The following TUBGCP4 variants were observed in gnomAD, a reference collection of about 807,000 sequenced individuals.
The protein encoded by TUBGCP4 is gamma-tubulin complex component 4.
Under a neutral mutation model 91.6 loss-of-function variants are expected in TUBGCP4, and 54 were observed. That is an observed-to-expected ratio of 0.59 (90% CI 0.47 to 0.74). The LOEUF is 0.74. Ranked by LOEUF, TUBGCP4 falls within the 30% of genes least tolerant of loss-of-function variation. TUBGCP4 has a pLI of 0.00. For missense variants in TUBGCP4, 593 were observed against 800.9 expected (o/e 0.74, Z 3.13); for synonymous variants, 297 against 302.8 (o/e 0.98, Z 0.20).
chr15:43,385,797 A>C lies in TUBGCP4; in HGVS notation c.730A>C (p.Ile244Leu). ...GTACTCTTTCCTTGACTAGCGCCTG[A>C]TTGAGGAAGAGAACATGCTGGCACC... ...QLRELQDLRLIEEENMLAPSL... is the reference protein window; with the variant it reads ...QLRELQDLRLLEEENMLAPSL... The change falls in exon 8 of 18, where the codon ATT (isoleucine) becomes CTT (leucine). Residue 244 changes from isoleucine (I) to leucine (L), a missense_variant. Physicochemically the swap from Ile to Leu is conservative, Grantham distance 5. Coordinates refer to ENST00000564079, the MANE Select transcript of TUBGCP4 (RefSeq NM_014444.5). 6.2e-7 allele frequency: 1 copy of C among 1,614,050 alleles called. No homozygotes were observed. Among genetic ancestry groups the C allele is most frequent in the Non-Finnish European group, 8.5e-7 (1 of 1,179,972 alleles).
intron 1 of TUBGCP4, among the ~76,000 whole-genome samples, chr15:43,375,506 A>T (rs1427245025): frequency 6.6e-6 from 1 of 152,256 alleles, no homozygotes; most frequent in Admixed American, 6.5e-5. Context: ...CTTTGTATAT[A>T]GCATATTAGG....
rs1723238766 is a variant in TUBGCP4 at position 43,409,177 on chromosome 15, G to A, written c.*3963G>A. On this transcript the variant is annotated 3_prime_UTR_variant, in exon 18 of 18. Transcript: ENST00000564079. ...AGCAGCAGCCATAATGAGCCATGAA[G>A]AGCAGATCTGAAGACTCCCAACTAC... 1 of 1,351,042 alleles carries A rather than the reference G, an allele frequency of 7.4e-7. No homozygotes were observed. The highest frequency in any genetic ancestry group is 1.0e-6 in the Non-Finnish European group (1 of 956,522). The allele number at this position is 1,351,042 out of a possible 1,614,324, so 83.7% of individuals were successfully genotyped here. A position where few individuals can be genotyped will look rare whatever the true frequency, so the allele number is the denominator to read the frequency against.
rs1407722077 is a variant in TUBGCP4, at chr15:43,380,155, A to G, written c.513A>G (p.Ala171=). 2 of 1,613,974 alleles carry G rather than the reference A, an allele frequency of 1.2e-6. No individual in the cohort carries two copies. The highest frequency in any genetic ancestry group is 1.3e-5 in the African/African-American group (1 of 75,058). ...SCGGLPPVRS[A]LEKILAVCHG... ...GGGGGTTGCCTCCTGTTCGAAGTGC[A>G]CTGGAAAAGTAAGTCATGGCTTAAC... Residue 171 remains alanine, a synonymous_variant, in exon 6 of 18, where the codon GCA becomes GCG. Transcript: ENST00000564079.
rs766381387 is a variant in TUBGCP4 at position 43,408,081 on chromosome 15, G to A, written c.*2867G>A. On this transcript the variant is annotated 3_prime_UTR_variant, in exon 18 of 18. Coordinates refer to ENST00000564079, the MANE Select transcript of TUBGCP4 (RefSeq NM_014444.5). ...TTCAGATTCTGGAAAGGATTTTCACGGGGTTGCCTATGAAGGAGACAGGAA... is the reference window on the plus strand; with the variant it reads ...TTCAGATTCTGGAAAGGATTTTCACAGGGTTGCCTATGAAGGAGACAGGAA... 3 of 1,613,678 alleles carry A rather than the reference G, an allele frequency of 1.9e-6. No homozygotes were observed. The highest frequency in any genetic ancestry group is 2.5e-6 in the Non-Finnish European group (3 of 1,179,894).
At chr15:43,403,623 CTT>C in intron 15 of TUBGCP4, 58 bp from the exon 16 acceptor site, 1 of 1,268,904 alleles carries the variant, frequency 7.9e-7, no homozygotes, top group East Asian at 2.3e-5. Flanking sequence ...TCTCCTAACA[CTT>C]TAACTTCATG....
chr15:43,374,483 A>G (rs753957583), intron 1 of TUBGCP4, among the ~76,000 whole-genome samples: 37 of 152,166 alleles, frequency 2.4e-4, no homozygotes, highest in Admixed American at 1.8e-3. Flanking sequence ...ATGGTGACAC[A>G]TGCCTGTAGT....
In TUBGCP4 at chr15:43,377,802, C is replaced by A. The variant is rs1163824023; in HGVS notation, c.385-45C>A. The A allele has an allele frequency of 2.0e-6, 3 of 1,469,960 alleles. No homozygotes were observed. The African/African-American group carries it at 4.3e-5, about 21-fold the overall frequency. The allele number at this position is 1,469,960 out of a possible 1,614,324, so 91.1% of individuals were successfully genotyped here. ...CATTTCCCAAGTTGATTTTTTTTCC[C>A]TTACATTTGATTACATACCCTTCTA... On this transcript the variant is annotated intron_variant, in intron 4 of 17. Transcript: ENST00000564079.
chr15:43,398,060 A>C lies in TUBGCP4; in HGVS notation c.1299A>C (p.Glu433Asp). The C allele has an allele frequency of 6.2e-7, 1 of 1,613,876 alleles. No homozygotes were observed. Among genetic ancestry groups the C allele is most frequent in the Non-Finnish European group, 8.5e-7 (1 of 1,179,944 alleles). The stretch of plus-strand genomic sequence containing the variant: ...CAGCAGATGCTACTCAGGCAAGAGA[A>C]GGGCCTTCTCGGGAAACTTCTCCCC... ...KEHKDATQAR[E>D]GPSRETSPRE... Residue 433 changes from glutamate (E) to aspartate (D), a missense_variant, in exon 13 of 18, where the codon GAA becomes GAC. Coordinates refer to ENST00000564079, the MANE Select transcript of TUBGCP4 (RefSeq NM_014444.5).
rs1449495312 is a variant in TUBGCP4, at chr15:43,371,203, C to T, written c.-152C>T. On this transcript the variant is annotated 5_prime_UTR_variant, in exon 1 of 18. Coordinates refer to ENST00000564079, the MANE Select transcript of TUBGCP4 (RefSeq NM_014444.5). ...CTTCCCAGCTTCCCGTCCGCTCCGC[C>T]GCAGCGATTGTCTCGGTGGGTTGAT... 5.3e-6 allele frequency: 4 copies of T among 755,336 alleles called. No individual in the cohort carries two copies. Among genetic ancestry groups the T allele is most frequent in the African/African-American group, 5.3e-5 (3 of 57,062 alleles). 46.8% of individuals were successfully genotyped at this position (755,336 alleles called of 1,614,324 possible).
intron 5 of TUBGCP4, 42 bp from the exon 6 acceptor site, chr15:43,380,042 C>T (rs750284527): frequency 6.3e-7 from 1 of 1,592,794 alleles, no homozygotes; most frequent in Admixed American, 1.7e-5. Flanking sequence ...TGCATGGACT[C>T]TTAGAATGGA....
intron 3 of TUBGCP4, 32 bp downstream of exon 3, chr15:43,376,657 G>C: frequency 6.2e-7 from 1 of 1,613,696 alleles, no homozygotes; most frequent in Non-Finnish European, 8.5e-7. Flanking sequence ...AAACACCTCT[G>C]GGACAGTAGA....
At chr15:43,392,018 G>T (rs2044476390) in intron 9 of TUBGCP4, among the ~76,000 whole-genome samples, 1 of 150,966 alleles carries the variant, frequency 6.6e-6, no homozygotes, top group South Asian at 2.1e-4. Context: ...TGGTGCCACT[G>T]CATTCCAGCC....
Position 43,386,344 on chromosome 15 carries a change from C to CATATATATATATATATATATAT in TUBGCP4, c.1014+14_1014+15insATATATATATATATATATATAT, listed in dbSNP as rs1566894338. On this transcript the variant is annotated intron_variant, in intron 9 of 17. Coordinates refer to ENST00000564079, the MANE Select transcript of TUBGCP4 (RefSeq NM_014444.5). The stretch of plus-strand genomic sequence containing the variant: ...ACTGTGGCTGAGGTTTGTGTTTCAT[C>CATATATATATATATATATATAT]GTATATATATATATATATATATATA... 4.1e-5 allele frequency: 10 copies of CATATATATATATATATATATAT among 245,620 alleles called. 1 individual carries two copies. Among genetic ancestry groups the CATATATATATATATATATATAT allele is most frequent in the Non-Finnish European group, 5.3e-5 (8 of 152,332 alleles). 15.2% of individuals were successfully genotyped at this position (245,620 alleles called of 1,614,324 possible). A position where few individuals can be genotyped will look rare whatever the true frequency, so the allele number is the denominator to read the frequency against.
intron 6 of TUBGCP4, 24 bp downstream of exon 6, chr15:43,380,187 T>C: frequency 1.2e-6 from 2 of 1,601,436 alleles, no homozygotes; most frequent in South Asian, 2.2e-5. Context: ...TAACTGGGAA[T>C]TGGTGGTGGA....
intron 12 of TUBGCP4, 92 bp from the exon 13 acceptor site, chr15:43,397,949 A>C: frequency 7.6e-7 from 1 of 1,311,010 alleles, no homozygotes; most frequent in Non-Finnish European, 1.0e-6. Flanking sequence ...TGTGAGCTCT[A>C]GTTTCATTAA....
rs2044111069 is a variant in TUBGCP4 at position 43,371,152 on chromosome 15, G to A, written c.-203G>A. 1 of 616,634 alleles carries A rather than the reference G, an allele frequency of 1.6e-6. No individual in the cohort carries two copies. Among genetic ancestry groups the A allele is most frequent in the South Asian group, 1.8e-5 (1 of 56,018 alleles). The allele number at this position is 616,634 out of a possible 1,614,324, so 38.2% of individuals were successfully genotyped here. ...AGCTGGTGGACCCCGTTGAGCTGCC[G>A]AACTTCCGGGACTCCCCCGCGACCC... On this transcript the variant is annotated 5_prime_UTR_variant, in exon 1 of 18. Coordinates refer to ENST00000564079, the MANE Select transcript of TUBGCP4 (RefSeq NM_014444.5).
chr15:43,380,967 CTTATT>C (rs953316818), intron 6 of TUBGCP4, among the ~76,000 whole-genome samples: 11 of 152,064 alleles, frequency 7.2e-5, no homozygotes, highest in Admixed American at 6.5e-4. Context: ...TTCTTTTTTT[CTTATT>C]TTATTTTAAT....
chr15:43,395,841 G>C (rs2044571800), intron 11 of TUBGCP4, among the ~76,000 whole-genome samples, 153 bp downstream of exon 11: 2 of 152,194 alleles, frequency 1.3e-5, no homozygotes, highest in African/African-American at 4.8e-5. Flanking sequence ...TTGCAGGTAG[G>C]CTTCATGCTG....
intron 16 of TUBGCP4, 72 bp from the exon 17 acceptor site, chr15:43,404,341 C>G (rs2044782681): frequency 1.3e-6 from 2 of 1,579,800 alleles, no homozygotes; most frequent in Admixed American, 3.5e-5. Flanking sequence ...AAACTCCTCC[C>G]TCCGCCCCCA....
Sources: gnomAD v4.1 joint callset for allele counts (sites outside exome capture counted in the v4.1 genomes callset) on GRCh38, gnomAD v4.1.1 for gene constraint, MANE v1.5 for transcripts, NCBI Gene and HGNC (gene_info 2026-07-23, HGNC 2026-07-21) for gene names.